ZNF207: variants seen among roughly 807,000 people sequenced by gnomAD.
ZNF207 encodes the protein BUB3-interacting and GLEBS motif-containing protein ZNF207.
In ZNF207, 24 loss-of-function variants were observed where a neutral mutation model predicts 60.2. The observed-to-expected ratio is 0.40, with a 90% CI of 0.29 to 0.56. ZNF207 has a LOEUF of 0.56. Among genes scored for constraint, ZNF207 ranks in the 20% least tolerant of loss-of-function variants. The pLI is 0.49. For synonymous variants in ZNF207, 236 were observed against 194.7 expected, an observed-to-expected ratio of 1.21 and a Z score of -1.77; for missense variants, 452 against 636.6, an observed-to-expected ratio of 0.71 and a Z score of 3.12.
chr17:32,353,157 G>C (rs1210081556), intron 2 of ZNF207, among the ~76,000 whole-genome samples: 1 of 152,136 alleles, frequency 6.6e-6, no homozygotes, highest in Non-Finnish European at 1.5e-5. Flanking sequence ...CTGGGCAACA[G>C]GGTGAGACTC....
chr17:32,358,593 GA>G lies in ZNF207; in HGVS notation c.264del (p.Asp89ThrfsTer75). On this transcript the variant is annotated frameshift_variant, in exon 3 of 12. Transcript: ENST00000394670. LOFTEE classifies it high-confidence loss of function. ...LEIYGMEGIP[E>X]KDMDERRRLL... ...AATATATGGTATGGAAGGTATTCCA[GA>G]AAAAGACATGGATGAAAGACGACGA... 6.5e-7 allele frequency: 1 copy of G among 1,540,972 alleles called. No homozygotes were observed. The highest frequency in any genetic ancestry group is 1.3e-5 in the South Asian group (1 of 74,652).
At chr17:32,355,758 C>G (rs1904470932) in intron 2 of ZNF207, among the ~76,000 whole-genome samples, 1 of 152,082 alleles carries the variant, frequency 6.6e-6, no homozygotes, top group Non-Finnish European at 1.5e-5. Flanking sequence ...GTAGGAAAAC[C>G]AAGAGTAGTG....
intron 3 of ZNF207, among the ~76,000 whole-genome samples, chr17:32,359,842 G>A (rs1220148395): frequency 6.6e-6 from 1 of 152,106 alleles, no homozygotes; most frequent in Non-Finnish European, 1.5e-5. Context: ...AGGCTTCAGT[G>A]AGCTGTGAAT....
intron 9 of ZNF207, among the ~76,000 whole-genome samples, chr17:32,367,269 ATATATATATATATAT>A (rs1905234811): frequency 9.1e-6 from 1 of 110,330 alleles, no homozygotes; most frequent in African/African-American, 3.6e-5. Context: ...ATATATATAT[ATATATATATATATAT>A]AAAGAATACT....
chr17:32,352,950 G>A (rs1197447222), intron 2 of ZNF207, among the ~76,000 whole-genome samples: 1 of 152,238 alleles, frequency 6.6e-6, no homozygotes, highest in Non-Finnish European at 1.5e-5. Context: ...GCCAAGGTGG[G>A]CGGATCACAA....
At chr17:32,366,920 A>G (rs558710694) in intron 9 of ZNF207, among the ~76,000 whole-genome samples, 163 bp downstream of exon 9, 15 of 152,260 alleles carry the variant, frequency 9.9e-5, no homozygotes, top group South Asian at 2.1e-4. Context: ...ATTTGAATTC[A>G]TACTAAACAA....
Position 32,371,736 on chromosome 17 carries a change from TA to T in ZNF207, c.*1980del, listed in dbSNP as rs1905472319. On this transcript the variant is annotated 3_prime_UTR_variant, in exon 12 of 12. Transcript: ENST00000394670. ...AACAGAGCGAGACTCTGTCAAAAAA[TA>T]AATTAAAATATCTGATTATCTGGCT... The T allele has an allele frequency of 6.6e-6, 1 of 152,162 alleles. No homozygotes were observed. The highest frequency in any genetic ancestry group is 2.1e-4 in the South Asian group (1 of 4,822). The allele number at this position is 152,162 out of a possible 1,614,324, so 9.4% of individuals were successfully genotyped here.
At chr17:32,366,543 A>G (rs908165989) in intron 8 of ZNF207, 122 bp from the exon 9 acceptor site, 4 of 601,920 alleles carry the variant, frequency 6.6e-6, no homozygotes, top group Admixed American at 4.0e-5. Context: ...AAAATAAGTG[A>G]CATTTGATTG....
Position 32,374,217 on chromosome 17 carries a change from T to TG in ZNF207, c.*4458_*4459insG. ...GCCTGGCCAAAATCTGCATTCTTTTTTTTTTTTTTTTTTTTTTTTTGAGAC... is the reference window on the plus strand; with the variant it reads ...GCCTGGCCAAAATCTGCATTCTTTTTGTTTTTTTTTTTTTTTTTTTTGAGAC... On this transcript the variant is annotated 3_prime_UTR_variant, in exon 12 of 12. Coordinates refer to ENST00000394670, the MANE Select transcript of ZNF207 (RefSeq NM_001098507.2). 1 of 85,922 alleles carries TG rather than the reference T, an allele frequency of 1.2e-5. No individual in the cohort carries two copies. Among genetic ancestry groups the TG allele is most frequent in the South Asian group, 3.6e-4 (1 of 2,752 alleles). The allele number at this position is 85,922 out of a possible 1,614,324, so 5.3% of individuals were successfully genotyped here.
intron 5 of ZNF207, 53 bp from the exon 6 acceptor site, chr17:32,361,415 A>C: frequency 6.6e-7 from 1 of 1,525,160 alleles, no homozygotes; most frequent in Non-Finnish European, 9.0e-7. Context: ...ACACTTTCCC[A>C]CTGTATTTTG....
chr17:32,369,357 C>T lies in ZNF207; in HGVS notation c.1227C>T (p.Pro409=). The T allele has an allele frequency of 6.2e-7, 1 of 1,614,128 alleles. No individual in the cohort carries two copies. The highest frequency in any genetic ancestry group is 8.5e-7 in the Non-Finnish European group (1 of 1,180,030). ...ATCTTCCTCGGCCAGGACAGGCCCC[C>T]ATCGGTAATCCACCAGTTGGACCAA... The part of the protein sequence containing the change: ...QRNLPRPGQA[P]IGNPPVGPIG... Residue 409 remains proline (P), a synonymous_variant, in exon 11 of 12, where the codon CCC becomes CCT. Transcript: ENST00000394670.
chr17:32,364,388 T>A (rs1162656672), intron 7 of ZNF207, among the ~76,000 whole-genome samples: 1 of 151,282 alleles, frequency 6.6e-6, no homozygotes, highest in Non-Finnish European at 1.5e-5. Context: ...GATGGAGTTT[T>A]GCTCTGTTGC....
intron 5 of ZNF207, 123 bp from the exon 6 acceptor site, chr17:32,361,345 A>C (rs1377688746): frequency 2.8e-6 from 2 of 706,384 alleles, no homozygotes; most frequent in African/African-American, 3.6e-5. Flanking sequence ...TAAAATGAAT[A>C]TGAGGTGCTT....
intron 6 of ZNF207, chr17:32,362,710 C>G: frequency 2.4e-6 from 1 of 417,394 alleles, no homozygotes. Flanking sequence ...ATTGGTAAAC[C>G]AAAGAGTTTG....
Position 32,371,747 on chromosome 17 carries a change from A to G in ZNF207, c.*1988A>G, listed in dbSNP as rs1406067305. On this transcript the variant is annotated 3_prime_UTR_variant, in exon 12 of 12. Transcript: ENST00000394670. Reference sequence around the variant, plus strand: ...ACTCTGTCAAAAAATAAATTAAAATATCTGATTATCTGGCTTCAATGATTT... The same window carrying G: ...ACTCTGTCAAAAAATAAATTAAAATGTCTGATTATCTGGCTTCAATGATTT... 6.6e-6 allele frequency: 1 copy of G among 152,228 alleles called. No homozygotes were observed. The highest frequency in any genetic ancestry group is 2.4e-5 in the African/African-American group (1 of 41,462). The allele number at this position is 152,228 out of a possible 1,614,324, so 9.4% of individuals were successfully genotyped here.
chr17:32,361,053 T>C, intron 5 of ZNF207, 86 bp downstream of exon 5: 1 of 1,425,576 alleles, frequency 7.0e-7, no homozygotes, highest in Non-Finnish European at 9.7e-7. Flanking sequence ...GAAATGTTAC[T>C]TTCCATTTTT....
chr17:32,367,245 A>C (rs1372691585), intron 9 of ZNF207, among the ~76,000 whole-genome samples: 1 of 62,896 alleles, frequency 1.6e-5, no homozygotes, highest in African/African-American at 8.6e-5. Context: ...GGGATTATAT[A>C]TATATATATA....
chr17:32,360,816 T>C (rs760515808), intron 4 of ZNF207, 51 bp downstream of exon 4: 29 of 1,611,834 alleles, frequency 1.8e-5, no homozygotes, highest in East Asian at 1.1e-4. Context: ...ATTATTGATA[T>C]TGTATCGAAG....
At chr17:32,355,519 T>A (rs1180848148) in intron 2 of ZNF207, among the ~76,000 whole-genome samples, 1 of 152,168 alleles carries the variant, frequency 6.6e-6, no homozygotes, top group African/African-American at 2.4e-5. Flanking sequence ...AATATCCAGA[T>A]GAAAAGGTTA....
Sources: allele counts gnomAD v4.1 joint callset (sites outside exome capture counted in the v4.1 genomes callset), GRCh38; gene constraint gnomAD v4.1.1; transcripts MANE v1.5; gene names NCBI Gene and HGNC (gene_info 2026-07-23, HGNC 2026-07-21).